CCSER1: variants seen among roughly 807,000 people sequenced by gnomAD.
CCSER1 encodes the protein coiled-coil serine rich protein 1, also known as serine-rich coiled-coil domain-containing protein 1.
Under a neutral mutation model 82.0 loss-of-function variants are expected in CCSER1, and 41 were observed. The ratio of observed to expected loss-of-function variants is 0.50; its 90% CI spans 0.39 to 0.65. The LOEUF is 0.65. CCSER1 is among the 30% of genes least tolerant of loss of function. CCSER1 has a pLI of 0.00. For synonymous variants in CCSER1, 414 were observed against 383.9 expected, an observed-to-expected ratio of 1.08 and a Z score of -0.92; for missense variants, 1,119 against 1,064.2, an observed-to-expected ratio of 1.05 and a Z score of -0.72.
intron 5 of CCSER1, among the ~76,000 whole-genome samples, chr4:90,536,526 C>A (rs182032266): frequency 1.6e-3 from 238 of 152,276 alleles, no homozygotes; most frequent in African/African-American, 5.5e-3. Flanking sequence ...ACTCTAGAGG[C>A]AACCAGGTAT....
At chr4:91,582,016 T>C (rs1763751253) in intron 10 of CCSER1, among the ~76,000 whole-genome samples, 1 of 151,720 alleles carries the variant, frequency 6.6e-6, no homozygotes, top group Non-Finnish European at 1.5e-5. Flanking sequence ...TAAATGTTTA[T>C]GTATATGCAC....
At chr4:91,182,407 C>G (rs1200284306) in intron 10 of CCSER1, among the ~76,000 whole-genome samples, 2 of 152,210 alleles carry the variant, frequency 1.3e-5, no homozygotes, top group African/African-American at 4.8e-5. Context: ...ACGTGCTGTA[C>G]AGCTGCTGAT....
At chr4:91,154,562 T>C (rs1040260288) in intron 10 of CCSER1, among the ~76,000 whole-genome samples, 1 of 152,076 alleles carries the variant, frequency 6.6e-6, no homozygotes, top group Non-Finnish European at 1.5e-5. Context: ...TCCAGTGAGA[T>C]GAACCTGGTA....
Position 91,259,075 on chromosome 4 carries a change from G to A in CCSER1, c.2217+173081G>A, listed in dbSNP as rs186187837. 1.7e-3 allele frequency among the ~76,000 whole-genome samples: 258 copies of A among 151,818 alleles called. 2 individuals carry two copies. The highest frequency in any genetic ancestry group is 5.8e-3 in the African/African-American group (240 of 41,410). The stretch of plus-strand genomic sequence containing the variant: ...TAGGAAAGAGATTTGGAAAAATAAA[G>A]AAAAAACTTTTAAATAAATACAAAC... On this transcript the variant is annotated intron_variant, in intron 10 of 10. Transcript: ENST00000509176.
At chr4:91,205,359 A>G (rs1310358075) in intron 10 of CCSER1, among the ~76,000 whole-genome samples, 1 of 151,838 alleles carries the variant, frequency 6.6e-6, no homozygotes, top group Non-Finnish European at 1.5e-5. Flanking sequence ...AGTTTCTTTG[A>G]TATATTTCAA....
At chr4:91,226,232 A>G (rs541707582) in intron 10 of CCSER1, among the ~76,000 whole-genome samples, 1 of 152,068 alleles carries the variant, frequency 6.6e-6, no homozygotes, top group South Asian at 2.1e-4. Context: ...GGAAAAATGC[A>G]AGGCAGCAAA....
chr4:90,887,616 G>A (rs1167209816), intron 8 of CCSER1, among the ~76,000 whole-genome samples: 10 of 152,138 alleles, frequency 6.6e-5, no homozygotes, highest in Non-Finnish European at 1.2e-4. Flanking sequence ...AGGCACGTTG[G>A]CTCACGCCTG....
At chr4:90,469,981 T>C (rs1377803292) in intron 5 of CCSER1, among the ~76,000 whole-genome samples, 1 of 152,202 alleles carries the variant, frequency 6.6e-6, no homozygotes, top group Non-Finnish European at 1.5e-5. Flanking sequence ...GATTGTCAAG[T>C]TAACACTCAA....
At chr4:91,162,428 G>C (rs1731516395) in intron 10 of CCSER1, among the ~76,000 whole-genome samples, 1 of 152,168 alleles carries the variant, frequency 6.6e-6, no homozygotes, top group South Asian at 2.1e-4. Flanking sequence ...TTGGTATCAG[G>C]ATGATGCTGG....
At chr4:91,545,419 G>A (rs1453092745) in intron 10 of CCSER1, among the ~76,000 whole-genome samples, 2 of 152,150 alleles carry the variant, frequency 1.3e-5, no homozygotes, top group African/African-American at 2.4e-5. Flanking sequence ...ACTGGGAGCT[G>A]TAGACTGGAG....
At chr4:90,279,621 T>A (rs965825233) in intron 1 of CCSER1, among the ~76,000 whole-genome samples, 3 of 152,028 alleles carry the variant, frequency 2.0e-5, no homozygotes, top group Admixed American at 1.3e-4. Flanking sequence ...CCAGCATTTT[T>A]TTCTCATTGT....
intron 1 of CCSER1, among the ~76,000 whole-genome samples, chr4:90,234,193 C>T (rs1334027949): frequency 4.0e-5 from 6 of 151,054 alleles, no homozygotes; most frequent in Non-Finnish European, 7.4e-5. Context: ...TGGGCCTCTG[C>T]GTACCTCAGC....
At chr4:90,185,602 C>T (rs1734475938) in intron 1 of CCSER1, among the ~76,000 whole-genome samples, 1 of 151,902 alleles carries the variant, frequency 6.6e-6, no homozygotes, top group African/African-American at 2.4e-5. Flanking sequence ...AAACATATGC[C>T]ACTGTTATCT....
chr4:91,301,977 TCCTTC>T (rs201037599), intron 10 of CCSER1, among the ~76,000 whole-genome samples: 2 of 136,874 alleles, frequency 1.5e-5, no homozygotes, highest in East Asian at 4.5e-4. Context: ...TTTCCTTCCT[TCCTTC>T]CTTCGTTTAT....
At chr4:90,570,168 T>C (rs2153653508) in intron 5 of CCSER1, among the ~76,000 whole-genome samples, 1 of 152,252 alleles carries the variant, frequency 6.6e-6, no homozygotes. Flanking sequence ...GAGCTGGGCA[T>C]CCCTCCCTTC....
rs376987549 is a variant in CCSER1, at chr4:90,534,441, TTGTGTGTGTGTGTG to T, written c.1724+66122_1724+66135del. On this transcript the variant is annotated intron_variant, in intron 5 of 10. Transcript: ENST00000509176. The stretch of plus-strand genomic sequence containing the variant: ...ACCGAGCCCAGGCTGTGCCAGCCTT[TTGTGTGTGTGTGTG>T]TGTGTGTGTGTGTGTGTGTGTGTGT... Among the ~76,000 whole-genome samples, 70 of 136,468 alleles carry T rather than the reference TTGTGTGTGTGTGTG, an allele frequency of 5.1e-4. 1 individual carries two copies. Among genetic ancestry groups the T allele is most frequent in the East Asian group, 2.2e-3 (10 of 4,518 alleles). 89.5% of individuals were successfully genotyped at this position (136,468 alleles called of 152,430 possible). A position where few individuals can be genotyped will look rare whatever the true frequency, so the allele number is the denominator to read the frequency against.
intron 10 of CCSER1, among the ~76,000 whole-genome samples, chr4:91,160,906 A>T (rs1024357172): frequency 2.4e-4 from 36 of 152,092 alleles, no homozygotes; most frequent in Non-Finnish European, 4.3e-4. Context: ...CTTTAGTTTA[A>T]TTAAATCCCA....
intron 10 of CCSER1, among the ~76,000 whole-genome samples, chr4:91,597,432 T>G (rs932622656): frequency 1.3e-5 from 2 of 152,046 alleles, no homozygotes; most frequent in Non-Finnish European, 2.9e-5. Flanking sequence ...GAGATTATAT[T>G]TTGTAAATAG....
At position 91,046,370 on chromosome 4, in the gene CCSER1, T is replaced by C. The variant is rs527305794; in HGVS notation, c.2173-39580T>C. Among the ~76,000 whole-genome samples, 33 of 152,218 alleles carry C rather than the reference T, an allele frequency of 2.2e-4. No homozygotes were observed. In the South Asian group the frequency reaches 6.8e-3, roughly 32 times the overall value. ...TTTAGAAAATTCTTACACTTTTCTA[T>C]GGCTTCATAATACTAAGAGCTTTCT... On this transcript the variant is annotated intron_variant, in intron 9 of 10. Transcript: ENST00000509176.
Sources: allele counts gnomAD v4.1 joint callset (sites outside exome capture counted in the v4.1 genomes callset), GRCh38; gene constraint gnomAD v4.1.1; transcripts MANE v1.5; gene names NCBI Gene and HGNC (gene_info 2026-07-23, HGNC 2026-07-21).